The following KCNJ6 variants were observed in gnomAD, a reference collection of about 807,000 sequenced individuals.
KCNJ6 encodes the protein potassium inwardly rectifying channel subfamily J member 6, also known as G protein-activated inward rectifier potassium channel 2.
A neutral mutation model predicts 34.2 loss-of-function variants in KCNJ6; 9 were observed. The observed-to-expected ratio is 0.26, with a 90% CI of 0.16 to 0.46. The LOEUF is 0.46. KCNJ6 is among the 20% of genes least tolerant of loss of function. The pLI is 1.00. For synonymous variants in KCNJ6, 196 were observed against 207.1 expected, an observed-to-expected ratio of 0.95 and a Z score of 0.46; for missense variants, 236 against 531.3, an observed-to-expected ratio of 0.44 and a Z score of 5.46.
intron 2 of KCNJ6, among the ~76,000 whole-genome samples, chr21:37,767,894 G>T (rs1022077884): frequency 6.6e-6 from 1 of 152,178 alleles, no homozygotes; most frequent in East Asian, 1.9e-4. Context: ...TTTAACTGTT[G>T]TTTGTATTTT....
intron 3 of KCNJ6, among the ~76,000 whole-genome samples, chr21:37,662,358 G>A (rs1272775210): frequency 6.6e-6 from 1 of 152,128 alleles, no homozygotes; most frequent in Non-Finnish European, 1.5e-5. Context: ...GTGGTGCTTG[G>A]TTTTCTGTTC....
chr21:37,823,863 T>C (rs906289603), intron 2 of KCNJ6, among the ~76,000 whole-genome samples: 9 of 7,184 alleles, frequency 1.3e-3, no homozygotes, highest in African/African-American at 3.2e-3. Flanking sequence ...ACACAAAGTT[T>C]CAGTCAGACA....
chr21:37,656,722 A>C (rs2054465902), intron 3 of KCNJ6, among the ~76,000 whole-genome samples: 1 of 152,182 alleles, frequency 6.6e-6, no homozygotes, highest in African/African-American at 2.4e-5. Context: ...GCCTTCTGTC[A>C]GGGACACTGT....
chr21:37,708,564 A>C (rs896650332), intron 3 of KCNJ6, among the ~76,000 whole-genome samples: 1 of 200 alleles, frequency 5.0e-3, no homozygotes, highest in Non-Finnish European at 0.01. Flanking sequence ...ACCTAGGAAA[A>C]ACATATTCCA....
intron 2 of KCNJ6, among the ~76,000 whole-genome samples, chr21:37,753,216 G>A (rs916714923): frequency 6.6e-6 from 1 of 152,188 alleles, no homozygotes; most frequent in African/African-American, 2.4e-5. Flanking sequence ...TGGATGCCTA[G>A]AGTGACCAGA....
chr21:37,795,135 G>A (rs1453215242), intron 2 of KCNJ6, among the ~76,000 whole-genome samples: 1 of 152,174 alleles, frequency 6.6e-6, no homozygotes, highest in African/African-American at 2.4e-5. Flanking sequence ...TCAAGAGAAG[G>A]TAAAATTATA....
Position 37,674,724 on chromosome 21 carries a change from G to C in KCNJ6, c.946+39487C>G, listed in dbSNP as rs549267550. Among the ~76,000 whole-genome samples, 18 of 151,652 alleles carry C rather than the reference G, an allele frequency of 1.2e-4. No individual in the cohort carries two copies. The South Asian group carries it at 3.3e-3, about 28-fold the overall frequency. On this transcript the variant is annotated intron_variant, in intron 3 of 3. Transcript: ENST00000609713. ...CCTCACGTACTTCACCCCCTCCAGA[G>C]CCGTGATTCCTTTCCTTTCTGCACG...
At chr21:37,886,425 CAGAGT>C (rs1226703670) in intron 1 of KCNJ6, among the ~76,000 whole-genome samples, 2 of 152,132 alleles carry the variant, frequency 1.3e-5, no homozygotes, top group African/African-American at 4.8e-5. Flanking sequence ...AGTAAGAAAA[CAGAGT>C]TAATAATTTG....
chr21:37,699,704 G>A (rs1202690616), intron 3 of KCNJ6, among the ~76,000 whole-genome samples: 1 of 152,202 alleles, frequency 6.6e-6, no homozygotes, highest in African/African-American at 2.4e-5. Context: ...ATTCCTAGTT[G>A]GCAGAGTCTC....
chr21:37,830,315 A>C (rs2835999), intron 2 of KCNJ6, among the ~76,000 whole-genome samples: 37,040 of 151,984 alleles, frequency 0.24, 5,802 homozygotes, highest in East Asian at 0.49. Context: ...GGAGGGTCTG[A>C]GACTGACTAG....
chr21:37,796,859 C>T (rs1234868808), intron 2 of KCNJ6, among the ~76,000 whole-genome samples: 1 of 132,750 alleles, frequency 7.5e-6, no homozygotes, highest in East Asian at 2.5e-4. Context: ...AGTGGCGCAA[C>T]CTCGGCTCAC....
At chr21:37,778,573 C>T (rs2055153692) in intron 2 of KCNJ6, among the ~76,000 whole-genome samples, 1 of 152,136 alleles carries the variant, frequency 6.6e-6, no homozygotes, top group South Asian at 2.1e-4. Flanking sequence ...GAATTGACAT[C>T]AGATAATTCT....
At chr21:37,731,888 GTGGTGCATT>G (rs1230885534) in intron 2 of KCNJ6, among the ~76,000 whole-genome samples, 1 of 152,188 alleles carries the variant, frequency 6.6e-6, no homozygotes, top group African/African-American at 2.4e-5. Flanking sequence ...GGAGGCCAAG[GTGGTGCATT>G]CAGCAAGGGA....
intron 2 of KCNJ6, among the ~76,000 whole-genome samples, chr21:37,774,481 T>C (rs1397384106): frequency 6.6e-6 from 1 of 152,162 alleles, no homozygotes; most frequent in Non-Finnish European, 1.5e-5. Context: ...GTATATCTCC[T>C]AATGCTATCC....
intron 3 of KCNJ6, among the ~76,000 whole-genome samples, chr21:37,643,597 T>G (rs184946605): frequency 6.6e-6 from 1 of 152,188 alleles, no homozygotes; most frequent in Non-Finnish European, 1.5e-5. Flanking sequence ...CTCTATCTGT[T>G]GTTTGCAAAC....
intron 1 of KCNJ6, among the ~76,000 whole-genome samples, chr21:37,869,140 A>G (rs80314783): frequency 0.011 from 1,687 of 152,322 alleles, 25 homozygotes; most frequent in African/African-American, 0.036. Context: ...GCTTGGAGTC[A>G]ATCATGAATC....
chr21:37,780,661 A>G (rs1390958042), intron 2 of KCNJ6, among the ~76,000 whole-genome samples: 1 of 152,220 alleles, frequency 6.6e-6, no homozygotes, highest in Non-Finnish European at 1.5e-5. Flanking sequence ...CTTCTTAAAA[A>G]TAAAGTTTAG....
intron 2 of KCNJ6, among the ~76,000 whole-genome samples, chr21:37,772,779 T>C (rs1482234828): frequency 6.6e-6 from 1 of 152,234 alleles, no homozygotes; most frequent in Non-Finnish European, 1.5e-5. Context: ...TCACTAAATA[T>C]GATAAAGTAC....
chr21:37,851,166 G>A (rs1205537217), intron 1 of KCNJ6, among the ~76,000 whole-genome samples: 2 of 152,156 alleles, frequency 1.3e-5, no homozygotes, highest in Non-Finnish European at 2.9e-5. Context: ...AGGCCACTCT[G>A]GTCACTATCA....
Sources: gnomAD v4.1 joint callset for allele counts (sites outside exome capture counted in the v4.1 genomes callset) on GRCh38, gnomAD v4.1.1 for gene constraint, MANE v1.5 for transcripts, NCBI Gene and HGNC (gene_info 2026-07-23, HGNC 2026-07-21) for gene names.